Variants in CNTNAP5 observed in about 807,000 individuals in gnomAD.
CNTNAP5 encodes contactin-associated protein-like 5.
Under a neutral mutation model 150.2 loss-of-function variants are expected in CNTNAP5, and 72 were observed. The observed-to-expected ratio is 0.48, with a 90% CI of 0.40 to 0.58. The LOEUF (loss-of-function observed/expected upper bound fraction) is 0.58. CNTNAP5 is among the 20% of genes least tolerant of loss of function. The pLI is 0.00. For missense variants in CNTNAP5, 1,636 were observed against 1,626.2 expected (o/e 1.01, Z -0.10); for synonymous variants, 672 against 619.8 (o/e 1.08, Z -1.25).
chr2:124,668,572 C>T (rs1426009720), intron 13 of CNTNAP5, among the ~76,000 whole-genome samples: 1 of 152,134 alleles, frequency 6.6e-6, no homozygotes, highest in Non-Finnish European at 1.5e-5. Context: ...CCCTGCTACT[C>T]TGTGCTTGAG....
intron 1 of CNTNAP5, among the ~76,000 whole-genome samples, chr2:124,029,544 C>T (rs2104618751): frequency 6.6e-6 from 1 of 152,146 alleles, no homozygotes; most frequent in Middle Eastern, 3.4e-3. Flanking sequence ...TAGCGATTTC[C>T]ACACAAGTTC....
intron 3 of CNTNAP5, among the ~76,000 whole-genome samples, chr2:124,296,545 T>G (rs1309920770): frequency 3.3e-5 from 5 of 152,180 alleles, no homozygotes; most frequent in Admixed American, 6.5e-5. Context: ...CATCTTTTCC[T>G]GTCCCTCCAC....
chr2:124,656,839 C>T (rs1186470205), intron 13 of CNTNAP5, among the ~76,000 whole-genome samples: 1 of 152,112 alleles, frequency 6.6e-6, no homozygotes, highest in Non-Finnish European at 1.5e-5. Context: ...AAGAAGAATA[C>T]AATGTTCTAA....
intron 3 of CNTNAP5, among the ~76,000 whole-genome samples, chr2:124,348,185 T>A (rs1049996280): frequency 1.3e-5 from 2 of 152,202 alleles, no homozygotes; most frequent in African/African-American, 4.8e-5. Context: ...TTTAATTTTT[T>A]AAATTACCTC....
At chr2:124,305,851 A>G (rs913660403) in intron 3 of CNTNAP5, among the ~76,000 whole-genome samples, 1 of 152,170 alleles carries the variant, frequency 6.6e-6, no homozygotes, top group African/African-American at 2.4e-5. Flanking sequence ...TAAATTACCT[A>G]ATATTTTTAT....
chr2:124,651,668 G>C (rs186207371), intron 13 of CNTNAP5, among the ~76,000 whole-genome samples: 7 of 152,198 alleles, frequency 4.6e-5, no homozygotes, highest in African/African-American at 7.2e-5. Context: ...AGAGTTACAA[G>C]TAAATGAAGG....
intron 21 of CNTNAP5, among the ~76,000 whole-genome samples, chr2:124,873,650 C>G (rs1677795794): frequency 6.6e-6 from 1 of 151,972 alleles, no homozygotes; most frequent in African/African-American, 2.4e-5. Context: ...AAACCAAACC[C>G]TATGTATCAG....
At chr2:124,556,806 A>T (rs1243867585) in intron 10 of CNTNAP5, among the ~76,000 whole-genome samples, 3 of 152,168 alleles carry the variant, frequency 2.0e-5, no homozygotes, top group African/African-American at 7.2e-5. Flanking sequence ...ATCAACTGTG[A>T]TAGCGAAAAA....
intron 1 of CNTNAP5, among the ~76,000 whole-genome samples, chr2:124,028,925 T>A (rs1680968157): frequency 1.3e-5 from 2 of 152,126 alleles, no homozygotes; most frequent in Admixed American, 1.3e-4. Context: ...TGGTAAGAGA[T>A]GATTGCACTG....
Position 124,914,408 on chromosome 2 carries a change from A to T in CNTNAP5, c.*120A>T. ...TTTCTGCTTGCCATGTCTTTTCTGG[A>T]ACATACTTGCATCCACCACAGCATC... On this transcript the variant is annotated 3_prime_UTR_variant, in exon 24 of 24. Coordinates refer to ENST00000682447, the MANE Select transcript of CNTNAP5 (RefSeq NM_001367498.1). 1 of 752,524 alleles carries T rather than the reference A, an allele frequency of 1.3e-6. No homozygotes were observed. Among genetic ancestry groups the T allele is most frequent in the Non-Finnish European group, 2.2e-6 (1 of 457,378 alleles). The allele number at this position is 752,524 out of a possible 1,614,324, so 46.6% of individuals were successfully genotyped here.
intron 19 of CNTNAP5, among the ~76,000 whole-genome samples, chr2:124,813,290 G>C (rs1423837134): frequency 6.6e-6 from 1 of 151,950 alleles, no homozygotes; most frequent in East Asian, 1.9e-4. Context: ...TTTTAGCCAG[G>C]ATGGTCTCGA....
chr2:124,562,305 T>C (rs961615178), intron 10 of CNTNAP5, among the ~76,000 whole-genome samples: 2 of 152,220 alleles, frequency 1.3e-5, no homozygotes, highest in Non-Finnish European at 2.9e-5. Context: ...ATAATCATGT[T>C]TGTCCTGTTA....
At position 124,330,106 on chromosome 2, in the gene CNTNAP5, G is replaced by A. The variant is rs1689313016; in HGVS notation, c.382-87337G>A. 3.9e-5 allele frequency among the ~76,000 whole-genome samples: 6 copies of A among 152,122 alleles called. No individual in the cohort carries two copies. The South Asian group carries it at 1.0e-3, about 26-fold the overall frequency. On this transcript the variant is annotated intron_variant, in intron 3 of 23. Coordinates refer to ENST00000682447, the MANE Select transcript of CNTNAP5 (RefSeq NM_001367498.1). ...ATGAGGCTCTGGGACCTGTCAGGAA[G>A]TGACATTTTTTACTTATAAGACTAG...
At chr2:124,168,234 T>C (rs1336948355) in intron 1 of CNTNAP5, among the ~76,000 whole-genome samples, 1 of 152,194 alleles carries the variant, frequency 6.6e-6, no homozygotes, top group Non-Finnish European at 1.5e-5. Context: ...CACTATAGCA[T>C]AGATGGGTAT....
At chr2:124,573,751 T>C (rs1373926799) in intron 11 of CNTNAP5, among the ~76,000 whole-genome samples, 1 of 152,220 alleles carries the variant, frequency 6.6e-6, no homozygotes, top group Non-Finnish European at 1.5e-5. Flanking sequence ...GACACAGTTT[T>C]CATTTGTGCC....
At chr2:124,105,150 C>T (rs1683147754) in intron 1 of CNTNAP5, among the ~76,000 whole-genome samples, 1 of 152,022 alleles carries the variant, frequency 6.6e-6, no homozygotes, top group Non-Finnish European at 1.5e-5. Context: ...TCTTACTGAT[C>T]TCTTCAGATC....
intron 12 of CNTNAP5, among the ~76,000 whole-genome samples, chr2:124,634,851 T>C (rs1236820000): frequency 6.6e-6 from 1 of 152,156 alleles, no homozygotes; most frequent in Admixed American, 6.5e-5. Context: ...CTGGATATTA[T>C]TGCCCATATG....
chr2:124,107,797 G>A (rs1047716943), intron 1 of CNTNAP5, among the ~76,000 whole-genome samples: 12 of 152,208 alleles, frequency 7.9e-5, no homozygotes, highest in African/African-American at 2.9e-4. Flanking sequence ...AGGAAGCCCT[G>A]ATGACCTGTG....
At chr2:124,377,669 C>A (rs1690684498) in intron 3 of CNTNAP5, among the ~76,000 whole-genome samples, 1 of 146,592 alleles carries the variant, frequency 6.8e-6, no homozygotes, top group South Asian at 2.1e-4. Flanking sequence ...GAGCAAAACT[C>A]CATCTCAAAA....
Sources: gnomAD v4.1 joint callset for allele counts (sites outside exome capture counted in the v4.1 genomes callset) on GRCh38, gnomAD v4.1.1 for gene constraint, MANE v1.5 for transcripts, NCBI Gene and HGNC (gene_info 2026-07-23, HGNC 2026-07-21) for gene names.